The following RTCA variants were observed in gnomAD, a reference collection of about 807,000 sequenced individuals.
RTCA encodes RNA terminal phosphate cyclase domain 1.
A neutral mutation model predicts 46.1 loss-of-function variants in RTCA; 37 were observed. The observed-to-expected ratio is 0.80, with a 90% confidence interval of 0.62 to 1.06. The LOEUF is 1.06. RTCA is among the 50% of genes least tolerant of loss of function. RTCA has a pLI of 0.00. For missense variants in RTCA, 435 were observed against 455.5 expected (o/e 0.95, Z 0.41); for synonymous variants, 164 against 158.3 (o/e 1.04, Z -0.27).
At chr1:100,268,060 T>C in intron 2 of RTCA, 92 bp from the exon 3 acceptor site, 3 of 1,550,056 alleles carry the variant, frequency 1.9e-6, no homozygotes, top group Non-Finnish European at 8.7e-7. Flanking sequence ...CTTGCTGTTT[T>C]CTTGCCATTG....
At chr1:100,276,786 G>C (rs1666413490) in intron 7 of RTCA, among the ~76,000 whole-genome samples, 1 of 152,086 alleles carries the variant, frequency 6.6e-6, no homozygotes, top group Non-Finnish European at 1.5e-5. Context: ...ACCATTTTTG[G>C]ATATTTAAGT....
Position 100,274,817 on chromosome 1 carries a change from T to C in RTCA, c.474-7T>C, listed in dbSNP as rs1257300375. 1 of 1,605,446 alleles carries C rather than the reference T, an allele frequency of 6.2e-7. No homozygotes were observed. The highest frequency in any genetic ancestry group is 1.7e-5 in the Admixed American group (1 of 59,466). The stretch of plus-strand genomic sequence containing the variant: ...GTTTATGTGGGCATTTGTTATACTT[T>C]TCATAGGGGATATTACCCAAAAGGG... On this transcript the variant is annotated splice_polypyrimidine_tract_variant and splice_region_variant and intron_variant, in intron 5 of 10. Coordinates refer to ENST00000370128, the MANE Select transcript of RTCA (RefSeq NM_003729.4).
rs1191839555 is a variant in RTCA, at chr1:100,289,011, A to G, written c.999+1808A>G. Among the ~76,000 whole-genome samples the G allele has an allele frequency of 2.0e-5, 3 of 152,090 alleles. No individual in the cohort carries two copies. The East Asian group carries it at 5.8e-4, about 29-fold the overall frequency. The stretch of plus-strand genomic sequence containing the variant: ...CTAATTTTTGTACTTTTTAGCAGAG[A>G]CAGGGTTTCACTGTGTTAGCTAGGC... On this transcript the variant is annotated intron_variant, in intron 10 of 10. Transcript: ENST00000370128.
At chr1:100,278,057 A>G (rs1361138744) in intron 8 of RTCA, among the ~76,000 whole-genome samples, 1 of 152,216 alleles carries the variant, frequency 6.6e-6, no homozygotes, top group Non-Finnish European at 1.5e-5. Context: ...CAGGGGGCAC[A>G]TGATGTTAGT....
chr1:100,274,829 A>G lies in RTCA; in HGVS notation c.479A>G (p.Tyr160Cys). 1 of 1,610,538 alleles carries G rather than the reference A, an allele frequency of 6.2e-7. No homozygotes were observed. ...ATTTGTTATACTTTTCATAGGGGAT[A>G]TTACCCAAAAGGGGGTGGTGAAGTG... is the stretch of plus-strand genomic sequence containing the variant. ...IFNCDIKTRG[Y>C]YPKGGGEVIV... Residue 160 changes from tyrosine to cysteine, a missense_variant, in exon 6 of 11, where the codon TAT (tyrosine) becomes TGT (cysteine). By Grantham distance (194) the Tyr-to-Cys change is radical. Transcript: ENST00000370128.
intron 8 of RTCA, among the ~76,000 whole-genome samples, chr1:100,279,150 A>T (rs948943574): frequency 6.6e-6 from 1 of 152,204 alleles, no homozygotes; most frequent in Admixed American, 6.5e-5. Context: ...TATTACAAGT[A>T]ATAAGTACTT....
intron 3 of RTCA, among the ~76,000 whole-genome samples, chr1:100,270,330 T>C (rs1370190469): frequency 6.6e-6 from 1 of 152,234 alleles, no homozygotes; most frequent in Non-Finnish European, 1.5e-5. Flanking sequence ...TTGGTTATCA[T>C]TTAAAGCTAT....
intron 8 of RTCA, among the ~76,000 whole-genome samples, chr1:100,279,876 G>T (rs946828716): frequency 6.6e-6 from 1 of 152,180 alleles, no homozygotes; most frequent in South Asian, 2.1e-4. Flanking sequence ...ATATCGACAG[G>T]CCAGATTCTG....
chr1:100,287,140 A>C lies in RTCA; in HGVS notation c.936A>C (p.Ile312=). The change falls in exon 10 of 11, where the codon ATA becomes ATC. Residue 312 remains isoleucine (I), a synonymous_variant. Coordinates refer to ENST00000370128, the MANE Select transcript of RTCA (RefSeq NM_003729.4). Reference sequence around the variant, plus strand: ...CATTAGCCAATGGAGTTTCCAGAATAAAAACAGGACCAGTTACACTCCATA... The same window carrying C: ...CATTAGCCAATGGAGTTTCCAGAATCAAAACAGGACCAGTTACACTCCATA... ...FMALANGVSR[I]KTGPVTLHTQ... 6.3e-7 allele frequency: 1 copy of C among 1,589,976 alleles called. No individual in the cohort carries two copies. The highest frequency in any genetic ancestry group is 8.5e-7 in the Non-Finnish European group (1 of 1,170,876).
Position 100,266,216 on chromosome 1 carries a change from A to C in RTCA, c.-160A>C. Reference sequence around the variant, plus strand: ...CCGGGGGTTCGTTTCTGCTGACTCCAGTGTCCCGAGAGGCGCCGCTTCTTC... The same window carrying C: ...CCGGGGGTTCGTTTCTGCTGACTCCCGTGTCCCGAGAGGCGCCGCTTCTTC... On this transcript the variant is annotated 5_prime_UTR_variant, in exon 1 of 11. Transcript: ENST00000370128. 1.3e-6 allele frequency: 1 copy of C among 792,964 alleles called. No individual in the cohort carries two copies. Among genetic ancestry groups the C allele is most frequent in the Non-Finnish European group, 2.0e-6 (1 of 511,478 alleles). The allele number at this position is 792,964 out of a possible 1,614,324, so 49.1% of individuals were successfully genotyped here.
At chr1:100,284,397 AT>A (rs199515109) in intron 8 of RTCA, among the ~76,000 whole-genome samples, 262 of 140,966 alleles carry the variant, frequency 1.9e-3, no homozygotes, top group Admixed American at 2.1e-3. Flanking sequence ...AAATTCTTTA[AT>A]TTTTTTTTTT....
intron 2 of RTCA, chr1:100,267,341 A>G: frequency 1.5e-6 from 1 of 680,950 alleles, no homozygotes; most frequent in East Asian, 3.1e-5. Context: ...CTGATATGTT[A>G]ATGTTAATTG....
At chr1:100,279,656 A>G (rs1394210451) in intron 8 of RTCA, among the ~76,000 whole-genome samples, 2 of 151,874 alleles carry the variant, frequency 1.3e-5, no homozygotes, top group African/African-American at 2.4e-5. Flanking sequence ...GCTCACACCT[A>G]TAGTCCCAGC....
At chr1:100,274,409 G>A (rs888747814) in intron 5 of RTCA, among the ~76,000 whole-genome samples, 2 of 152,172 alleles carry the variant, frequency 1.3e-5, no homozygotes, top group African/African-American at 2.4e-5. Context: ...CAGGAAAATA[G>A]CAGGAACAAT....
intron 10 of RTCA, among the ~76,000 whole-genome samples, chr1:100,290,317 G>A (rs1055257744): frequency 6.6e-6 from 1 of 151,480 alleles, no homozygotes; most frequent in African/African-American, 2.4e-5. Context: ...TTCCTGTGTT[G>A]CCCAGGCCAG....
At chr1:100,268,343 G>T in intron 3 of RTCA, 48 bp downstream of exon 3, 5 of 1,483,438 alleles carry the variant, frequency 3.4e-6, no homozygotes, top group Non-Finnish European at 4.6e-6. Context: ...TTTAAGTCCA[G>T]GTTTTGCCAC....
chr1:100,268,482 A>G (rs1665906666), intron 3 of RTCA, among the ~76,000 whole-genome samples, 187 bp downstream of exon 3: 1 of 151,748 alleles, frequency 6.6e-6, no homozygotes, highest in Non-Finnish European at 1.5e-5. Flanking sequence ...TGTAAGCTGT[A>G]ACTCCTGGGC....
At position 100,275,735 on chromosome 1, in the gene RTCA, C is replaced by G. The variant is rs1198631426; in HGVS notation, c.740+12C>G. On this transcript the variant is annotated intron_variant, in intron 7 of 10. Coordinates refer to ENST00000370128, the MANE Select transcript of RTCA (RefSeq NM_003729.4). ...GGAAATGGAATAATGTGAGACAATACTTTTTCCTACACATTAGTTGAGAAC... is the reference window on the plus strand; with the variant it reads ...GGAAATGGAATAATGTGAGACAATAGTTTTTCCTACACATTAGTTGAGAAC... The G allele has an allele frequency of 2.5e-6, 4 of 1,599,876 alleles. No homozygotes were observed. The highest frequency in any genetic ancestry group is 3.4e-6 in the Non-Finnish European group (4 of 1,174,012).
intron 10 of RTCA, among the ~76,000 whole-genome samples, chr1:100,287,756 A>C (rs932261007): frequency 6.6e-6 from 1 of 150,902 alleles, no homozygotes; most frequent in African/African-American, 2.4e-5. Context: ...AGGATTTATC[A>C]TTATATGAGC....
Sources: gnomAD v4.1 joint callset for allele counts (sites outside exome capture counted in the v4.1 genomes callset) on GRCh38, gnomAD v4.1.1 for gene constraint, MANE v1.5 for transcripts, NCBI Gene and HGNC (gene_info 2026-07-23, HGNC 2026-07-21) for gene names.